ADAM32: variants seen among roughly 807,000 people sequenced by gnomAD.
ADAM32 encodes the protein ADAM metallopeptidase domain 32.
In ADAM32, 89 loss-of-function variants were observed where a neutral mutation model predicts 114.9. The ratio of observed to expected loss-of-function variants is 0.77; its 90% CI spans 0.65 to 0.92. ADAM32 has a LOEUF of 0.92. Among genes scored for constraint, ADAM32 ranks in the 40% least tolerant of loss-of-function variants. The probability of loss-of-function intolerance (pLI) is 0.00; values close to 1 mark genes in which losing one functional copy is unlikely to be tolerated. For missense variants in ADAM32, 870 were observed against 932.8 expected (o/e 0.93, Z 0.88); for synonymous variants, 285 against 307.5 (o/e 0.93, Z 0.77).
chr8:39,211,381 T>C, intron 12 of ADAM32, 57 bp downstream of exon 12: 11 of 1,376,774 alleles, frequency 8.0e-6, no homozygotes, highest in Non-Finnish European at 1.0e-5. Flanking sequence ...ATTTATCTTT[T>C]TCATAAATGT....
intron 18 of ADAM32, among the ~76,000 whole-genome samples, 152 bp downstream of exon 18, chr8:39,254,668 G>GCCA (rs954145528): frequency 1.3e-5 from 2 of 151,686 alleles, no homozygotes; most frequent in African/African-American, 4.8e-5. Flanking sequence ...AACCAAACAT[G>GCCA]CCATCTTAAT....
At chr8:39,244,449 A>G (rs1810763444) in intron 16 of ADAM32, among the ~76,000 whole-genome samples, 2 of 152,362 alleles carry the variant, frequency 1.3e-5, no homozygotes, top group Non-Finnish European at 1.5e-5. Flanking sequence ...ATAAAAATAG[A>G]CACATAGACC....
At chr8:39,283,490 G>A (rs1241204688) in intron 23 of ADAM32, 96 bp from the exon 24 acceptor site, 11 of 935,078 alleles carry the variant, frequency 1.2e-5, no homozygotes, top group Middle Eastern at 2.5e-4. Context: ...AACTTTGAAC[G>A]GAAAGAGGAA....
intron 12 of ADAM32, among the ~76,000 whole-genome samples, chr8:39,219,163 T>C (rs1309823924): frequency 6.6e-6 from 1 of 152,082 alleles, no homozygotes; most frequent in African/African-American, 2.4e-5. Flanking sequence ...TACTCTTCCC[T>C]TTTCTCTCAA....
chr8:39,211,333 G>T lies in ADAM32; in HGVS notation c.1233+9G>T. 6.8e-7 allele frequency: 1 copy of T among 1,462,758 alleles called. No individual in the cohort carries two copies. Among genetic ancestry groups the T allele is most frequent in the Non-Finnish European group, 9.0e-7 (1 of 1,108,008 alleles). 90.6% of individuals were successfully genotyped at this position (1,462,758 alleles called of 1,614,324 possible). A position where few individuals can be genotyped will look rare whatever the true frequency, so the allele number is the denominator to read the frequency against. ...ATTGTGGTACTGAGGCTGTAAGTAT[G>T]ATAACTAGGAAAATTGATTAATAAA... is the stretch of plus-strand genomic sequence containing the variant. On this transcript the variant is annotated intron_variant, in intron 12 of 24. Coordinates refer to ENST00000379907, the MANE Select transcript of ADAM32 (RefSeq NM_145004.7).
chr8:39,183,706 A>G (rs1040536892), intron 10 of ADAM32, among the ~76,000 whole-genome samples: 6 of 152,186 alleles, frequency 3.9e-5, no homozygotes, highest in African/African-American at 1.4e-4. Flanking sequence ...TGGTGCCACA[A>G]CTGAATCTTT....
chr8:39,259,832 C>T (rs1811907395), intron 19 of ADAM32, among the ~76,000 whole-genome samples: 1 of 152,152 alleles, frequency 6.6e-6, no homozygotes, highest in African/African-American at 2.4e-5. Context: ...CTAGCTTTTT[C>T]CATTGATAAC....
At chr8:39,129,637 G>A (rs1321832861) in intron 2 of ADAM32, among the ~76,000 whole-genome samples, 1 of 152,094 alleles carries the variant, frequency 6.6e-6, no homozygotes, top group Non-Finnish European at 1.5e-5. Flanking sequence ...TTTTTGTAAT[G>A]TCTAGATTTA....
rs1813587974 is a variant in ADAM32, at chr8:39,283,641, G to A, written c.2357+17G>A. On this transcript the variant is annotated intron_variant, in intron 24 of 24. Coordinates refer to ENST00000379907, the MANE Select transcript of ADAM32 (RefSeq NM_145004.7). ...AAGCAGTAGGTAAGTATATTAGAAG[G>A]TGTTTCTTAAAATAAATACATGTAT... 1.3e-6 allele frequency: 2 copies of A among 1,577,360 alleles called. No individual in the cohort carries two copies. The highest frequency in any genetic ancestry group is 3.4e-5 in the Admixed American group (2 of 58,784).
chr8:39,135,423 T>C (rs544943021), intron 2 of ADAM32, among the ~76,000 whole-genome samples: 109 of 152,356 alleles, frequency 7.2e-4, no homozygotes, highest in African/African-American at 2.5e-3. Flanking sequence ...ATTTTAGATA[T>C]ACAGAAAAAT....
intron 14 of ADAM32, among the ~76,000 whole-genome samples, chr8:39,230,788 A>T (rs745720707): frequency 3.9e-5 from 6 of 152,164 alleles, no homozygotes; most frequent in Non-Finnish European, 8.8e-5. Flanking sequence ...AACAGGAGAA[A>T]CTTTCTTGAT....
Position 39,147,121 on chromosome 8 carries a change from T to A in ADAM32, c.201-9T>A. 1 of 955,006 alleles carries A rather than the reference T, an allele frequency of 1.0e-6. No individual in the cohort carries two copies. The highest frequency in any genetic ancestry group is 1.4e-6 in the Non-Finnish European group (1 of 716,990). 59.2% of individuals were successfully genotyped at this position (955,006 alleles called of 1,614,324 possible). A position where few individuals can be genotyped will look rare whatever the true frequency, so the allele number is the denominator to read the frequency against. ...TAATTAAAAAAATTTCCTCTTTTTT[T>A]ATATTCAGATATTTTTTAGCAGATA... On this transcript the variant is annotated splice_polypyrimidine_tract_variant and intron_variant, in intron 3 of 24. Coordinates refer to ENST00000379907, the MANE Select transcript of ADAM32 (RefSeq NM_145004.7).
chr8:39,143,877 G>A (rs1446206699), intron 3 of ADAM32, among the ~76,000 whole-genome samples: 2 of 152,164 alleles, frequency 1.3e-5, no homozygotes, highest in African/African-American at 4.8e-5. Flanking sequence ...CCCAGTTCGT[G>A]CTTCCTGGCC....
chr8:39,117,992 TA>T, intron 1 of ADAM32, 93 bp from the exon 2 acceptor site: 1 of 797,936 alleles, frequency 1.3e-6, no homozygotes, highest in Non-Finnish European at 1.9e-6. Context: ...GAGCCACCCA[TA>T]CCTGCACAAG....
intron 1 of ADAM32, among the ~76,000 whole-genome samples, chr8:39,112,421 G>C (rs981119351): frequency 2.0e-5 from 3 of 151,850 alleles, no homozygotes; most frequent in Admixed American, 1.3e-4. Flanking sequence ...CTTTCTTATG[G>C]CTTCTGCATT....
chr8:39,199,498 A>G (rs955910773), intron 11 of ADAM32, among the ~76,000 whole-genome samples: 1 of 152,022 alleles, frequency 6.6e-6, no homozygotes, highest in Non-Finnish European at 1.5e-5. Context: ...TCTCATTTGT[A>G]TTTTTAATTT....
At chr8:39,173,009 C>T (rs1279406017) in intron 10 of ADAM32, among the ~76,000 whole-genome samples, 2 of 152,230 alleles carry the variant, frequency 1.3e-5, no homozygotes, top group Non-Finnish European at 2.9e-5. Flanking sequence ...CCTATAATCC[C>T]AGCATTCTGG....
chr8:39,220,815 C>A (rs1808909232), intron 12 of ADAM32: 1 of 151,940 alleles, frequency 6.6e-6, no homozygotes, highest in Non-Finnish European at 1.5e-5. Context: ...TTGTTGAGAT[C>A]TGTTTTTTAG....
At position 39,254,540 on chromosome 8, in the gene ADAM32, C is replaced by T. The variant is rs78809824; in HGVS notation, c.2005+24C>T. On this transcript the variant is annotated intron_variant, in intron 18 of 24. Transcript: ENST00000379907. ...GGGCAAGTATTTGTCTCTTTAAATA[C>T]CCATTTAATAAAATTCTCAAATTGC... is the stretch of plus-strand genomic sequence containing the variant. 5.2e-3 allele frequency: 7,693 copies of T among 1,480,202 alleles called. 338 individuals carry two copies. The African/African-American group carries it at 0.096, about 18-fold the overall frequency. 91.7% of individuals were successfully genotyped at this position (1,480,202 alleles called of 1,614,324 possible).
Sources: allele counts gnomAD v4.1 joint callset (sites outside exome capture counted in the v4.1 genomes callset), GRCh38; gene constraint gnomAD v4.1.1; transcripts MANE v1.5; gene names NCBI Gene and HGNC (gene_info 2026-07-23, HGNC 2026-07-21).